ASAH1: variants seen among roughly 807,000 people sequenced by gnomAD.
The protein encoded by ASAH1 is N-acylsphingosine amidohydrolase 1.
A neutral mutation model predicts 59.5 loss-of-function variants in ASAH1; 70 were observed. The ratio of observed to expected loss-of-function variants is 1.18; its 90% CI spans 0.97 to 1.43. The LOEUF is 1.43. ASAH1 is among the 40% of genes most tolerant of loss of function. ASAH1 has a pLI of 0.00. For synonymous variants in ASAH1, 213 were observed against 166.5 expected (o/e 1.28, Z -2.15); for missense variants, 660 against 482.5 (o/e 1.37, Z -3.45).
intron 3 of ASAH1, among the ~76,000 whole-genome samples, chr8:18,070,321 T>G (rs1800109918): frequency 6.6e-6 from 1 of 152,310 alleles, no homozygotes. Flanking sequence ...GGCTAATTTT[T>G]GTATTTTTAG....
intron 2 of ASAH1, chr8:18,073,138 T>G: frequency 1.0e-6 from 1 of 999,654 alleles, no homozygotes; most frequent in Non-Finnish European, 1.5e-6. Context: ...CAAATTATTT[T>G]AATGACTAAA....
chr8:18,067,802 A>T (rs1799996404), intron 4 of ASAH1: 1 of 152,304 alleles, frequency 6.6e-6, no homozygotes, highest in Non-Finnish European at 1.5e-5. Flanking sequence ...GCTAAGATGA[A>T]GTAACTGCAT....
intron 10 of ASAH1, 110 bp downstream of exon 10, chr8:18,061,267 T>C: frequency 1.0e-6 from 1 of 964,398 alleles, no homozygotes; most frequent in Non-Finnish European, 1.6e-6. Context: ...ACCTAAGAAA[T>C]TCTGCAATAG....
At chr8:18,084,163 G>A (rs1484532036), upstream of ASAH1, 46 of 1,556,076 alleles carry the variant, frequency 3.0e-5, no homozygotes, top group Non-Finnish European at 4.0e-5. Flanking sequence ...CCGCGACCTG[G>A]GACCGCACCA....
chr8:18,059,040 G>C, intron 12 of ASAH1, 149 bp from the exon 13 acceptor site: 1 of 752,950 alleles, frequency 1.3e-6, no homozygotes, highest in South Asian at 1.7e-5. Flanking sequence ...GTCACTGTTA[G>C]AAACACAGGT....
chr8:18,064,388 A>C, intron 6 of ASAH1, 69 bp downstream of exon 6: 5 of 1,210,708 alleles, frequency 4.1e-6, no homozygotes, highest in Non-Finnish European at 4.8e-6. Flanking sequence ...CAGAAGTTCT[A>C]ATTTCATTTA....
chr8:18,061,224 A>G lies in ASAH1; in HGVS notation c.785+153T>C, dbSNP rs145134918. The G allele has an allele frequency of 3.0e-4, 191 of 639,480 alleles. 2 individuals carry two copies. In the East Asian group the frequency reaches 5.1e-3, roughly 17 times the overall value. The allele number at this position is 639,480 out of a possible 1,614,324, so 39.6% of individuals were successfully genotyped here. A position where few individuals can be genotyped will look rare whatever the true frequency, so the allele number is the denominator to read the frequency against. On this transcript the variant is annotated intron_variant, in intron 10 of 13. Coordinates refer to ENST00000637790, the MANE Select transcript of ASAH1 (RefSeq NM_177924.5). ...AAAACACACAGTCTGCACGAAGAAA[A>G]CATGAGTAATTCCACATGAGTGTCA...
At chr8:18,068,645 G>C (rs966799739) in intron 4 of ASAH1, 1 of 152,210 alleles carries the variant, frequency 6.6e-6, no homozygotes, top group Non-Finnish European at 1.5e-5. Context: ...CATCCAGTGG[G>C]TAAGGGCCAG....
intron 2 of ASAH1, chr8:18,073,240 A>T: frequency 1.3e-6 from 2 of 1,568,728 alleles, no homozygotes; most frequent in Non-Finnish European, 1.7e-6. Context: ...CCCCATAAGA[A>T]TAAAAGAGTA....
Position 18,067,227 on chromosome 8 carries a change from T to A in ASAH1, c.375A>T (p.Ile125=). 6.2e-7 allele frequency: 1 copy of A among 1,606,456 alleles called. No homozygotes were observed. Among genetic ancestry groups the A allele is most frequent in the South Asian group, 1.1e-5 (1 of 90,254 alleles). The stretch of plus-strand genomic sequence containing the variant: ...CTTCTAAGTGAACTTTACCTAAAGG[T>A]ATATCAGTAACAGCGGCAATACCCT... ...EMKGIAAVTD[I]PLGEIISFNI... Residue 125 remains isoleucine (I), a synonymous_variant, in exon 5 of 14, where the codon ATA becomes ATT. Transcript: ENST00000637790.
At chr8:18,061,154 T>C (rs953488742) in intron 10 of ASAH1, 4 of 416,410 alleles carry the variant, frequency 9.6e-6, no homozygotes, top group Non-Finnish European at 1.7e-5. Context: ...CCTTTCATAA[T>C]GTCAGTATCC....
At chr8:18,068,747 TG>T (rs376865290) in intron 4 of ASAH1, 1 of 150,982 alleles carries the variant, frequency 6.6e-6, no homozygotes, top group Non-Finnish European at 1.5e-5. Context: ...CTAAACATCC[TG>T]CAATGCACAT....
At chr8:18,070,017 G>A in intron 3 of ASAH1, 139 bp from the exon 4 acceptor site, 1 of 556,920 alleles carries the variant, frequency 1.8e-6, no homozygotes, top group Non-Finnish European at 3.1e-6. Flanking sequence ...ATCTCGCTCT[G>A]TCACCCAGGC....
Position 18,069,777 on chromosome 8 carries a change from A to C in ASAH1, c.303+15T>G. The C allele has an allele frequency of 1.3e-6, 2 of 1,514,436 alleles. No homozygotes were observed. Among genetic ancestry groups the C allele is most frequent in the Non-Finnish European group, 1.8e-6 (2 of 1,091,044 alleles). The allele number at this position is 1,514,436 out of a possible 1,614,324, so 93.8% of individuals were successfully genotyped here. The stretch of plus-strand genomic sequence containing the variant: ...TATGTGCTTAACATTTATTGTGAGA[A>C]ATAATATCTCTTACCAATTTTTCAT... On this transcript the variant is annotated intron_variant, in intron 4 of 13. Coordinates refer to ENST00000637790, the MANE Select transcript of ASAH1 (RefSeq NM_177924.5).
intron 2 of ASAH1, among the ~76,000 whole-genome samples, chr8:18,073,839 G>T (rs1476360839): frequency 6.6e-6 from 1 of 152,182 alleles, no homozygotes; most frequent in Non-Finnish European, 1.5e-5. Context: ...GAGCAAAGCC[G>T]AGGCTTTTTG....
intron 12 of ASAH1, 127 bp downstream of exon 12, chr8:18,059,212 GGA>G (rs1458937056): frequency 1.0e-5 from 15 of 1,440,134 alleles, no homozygotes; most frequent in Non-Finnish European, 1.4e-5. Flanking sequence ...AAAAATCAGT[GGA>G]GAGTGGCTAG....
intron 8 of ASAH1, 177 bp downstream of exon 8, chr8:18,062,102 T>G: frequency 1.2e-6 from 1 of 834,016 alleles, no homozygotes; most frequent in Non-Finnish European, 1.9e-6. Flanking sequence ...AACCTCCGTT[T>G]CCTTTCTACT....
chr8:18,065,887 T>C (rs1799909555), intron 5 of ASAH1: 1 of 149,094 alleles, frequency 6.7e-6, no homozygotes, highest in East Asian at 2.0e-4. Context: ...ACACATTGTG[T>C]GTGTGTGTGT....
Position 18,056,146 on chromosome 8 carries a change from T to C in ASAH1, c.*1388A>G, listed in dbSNP as rs180889351. Reference sequence around the variant, plus strand: ...AAATCCTATTTTAATGTAAATCCTCTTATAATTCCTCGTTTCACTAAAGTA... The same window carrying C: ...AAATCCTATTTTAATGTAAATCCTCCTATAATTCCTCGTTTCACTAAAGTA... On this transcript the variant is annotated 3_prime_UTR_variant, in exon 14 of 14. Coordinates refer to ENST00000637790, the MANE Select transcript of ASAH1 (RefSeq NM_177924.5). The C allele has an allele frequency of 6.6e-6, 1 of 152,326 alleles. No homozygotes were observed. The highest frequency in any genetic ancestry group is 2.4e-5 in the African/African-American group (1 of 41,572). 9.4% of individuals were successfully genotyped at this position (152,326 alleles called of 1,614,324 possible).
Sources: gnomAD v4.1 joint callset for allele counts (sites outside exome capture counted in the v4.1 genomes callset) on GRCh38, gnomAD v4.1.1 for gene constraint, MANE v1.5 for transcripts, NCBI Gene and HGNC (gene_info 2026-07-23, HGNC 2026-07-21) for gene names.